R3HDM1: variants seen among roughly 807,000 people sequenced by gnomAD.
R3HDM1 encodes R3H domain containing 1.
In R3HDM1, 46 loss-of-function variants were observed where a neutral mutation model predicts 141.1. The ratio of observed to expected loss-of-function variants is 0.33; its 90% CI spans 0.26 to 0.42. R3HDM1 has a LOEUF of 0.42. Ranked by LOEUF, R3HDM1 falls within the 10% of genes least tolerant of loss-of-function variation. R3HDM1 has a pLI of 1.00. For synonymous variants in R3HDM1, 435 were observed against 472.9 expected, an observed-to-expected ratio of 0.92 and a Z score of 1.04; for missense variants, 1,184 against 1,368.3, an observed-to-expected ratio of 0.87 and a Z score of 2.12.
At chr2:135,622,133 G>A in intron 6 of R3HDM1, 3 of 983,458 alleles carry the variant, frequency 3.1e-6, no homozygotes, top group Non-Finnish European at 3.6e-6. Context: ...TTAAGGCGAA[G>A]ATAGCATGAA....
chr2:135,583,223 A>C (rs972562890), intron 1 of R3HDM1, among the ~76,000 whole-genome samples: 1 of 151,876 alleles, frequency 6.6e-6, no homozygotes, highest in African/African-American at 2.4e-5. Context: ...TAATTTTCCC[A>C]GTTTTTTCCC....
chr2:135,685,315 G>A (rs893771145), intron 21 of R3HDM1, among the ~76,000 whole-genome samples: 12 of 151,726 alleles, frequency 7.9e-5, no homozygotes, highest in African/African-American at 2.9e-4. Context: ...TTTCCTTCTT[G>A]TGCTTATTCA....
rs2061627281 is a variant in R3HDM1 at position 135,622,696 on chromosome 2, A to G, written c.461A>G (p.His154Arg). The change falls in exon 7 of 27, where the codon CAT becomes CGT. Residue 154 changes from histidine to arginine, a missense_variant. Around this residue, in one of 5 missense-constraint regions of R3HDM1, gnomAD observed 192 missense variants for 215.7 expected, o/e 0.89. Coordinates refer to ENST00000683871, the MANE Select transcript of R3HDM1 (RefSeq NM_001378107.1). ...EYTDSTGIDL[H>R]EFLVNTLKNN... is the part of the protein sequence containing the mutation. ...ACTGATTCAACTGGCATAGATCTAC[A>G]TGAATTTTTAGTAAATACATTAAAA... The G allele has an allele frequency of 1.9e-6, 3 of 1,600,266 alleles. No homozygotes were observed. Among genetic ancestry groups the G allele is most frequent in the Admixed American group, 1.7e-5 (1 of 58,896 alleles).
At chr2:135,647,590 C>A (rs1356341184) in intron 16 of R3HDM1, among the ~76,000 whole-genome samples, 2 of 152,170 alleles carry the variant, frequency 1.3e-5, no homozygotes, top group Non-Finnish European at 2.9e-5. Flanking sequence ...AATTTCATAA[C>A]TTATTTTTCT....
chr2:135,691,159 A>T (rs2072311310), intron 21 of R3HDM1, among the ~76,000 whole-genome samples: 1 of 152,224 alleles, frequency 6.6e-6, no homozygotes, highest in African/African-American at 2.4e-5. Flanking sequence ...CAAGTGTTTG[A>T]TGACAAATCA....
chr2:135,564,566 G>A (rs1158919672), intron 1 of R3HDM1, among the ~76,000 whole-genome samples: 4 of 152,040 alleles, frequency 2.6e-5, no homozygotes, highest in African/African-American at 9.7e-5. Context: ...TGATCCACCC[G>A]GCCTCTGCCT....
intron 21 of R3HDM1, among the ~76,000 whole-genome samples, chr2:135,699,406 G>C (rs1175631652): frequency 6.6e-6 from 1 of 152,214 alleles, no homozygotes; most frequent in Non-Finnish European, 1.5e-5. Context: ...ACAAGAGAGA[G>C]AGTTGTAAGG....
At chr2:135,689,608 GAATT>G (rs1033612255) in intron 21 of R3HDM1, among the ~76,000 whole-genome samples, 3 of 152,196 alleles carry the variant, frequency 2.0e-5, no homozygotes, top group Admixed American at 2.0e-4. Flanking sequence ...GGTAGAATTT[GAATT>G]ATTATGTCTA....
In R3HDM1 at chr2:135,724,081, T is replaced by A. The variant is rs1575295221; in HGVS notation, c.3194T>A (p.Leu1065His). Reference protein sequence around the residue: ...DPQSQPRRHPLCCGSGDNTAN... With the variant: ...DPQSQPRRHPHCCGSGDNTAN... ...CAGTCCCAACCACGTCGTCACCCCCTCTGCTGTGGCAGTGGGGACAACACT... is the reference window on the plus strand; with the variant it reads ...CAGTCCCAACCACGTCGTCACCCCCACTGCTGTGGCAGTGGGGACAACACT... Residue 1065 changes from leucine to histidine, a missense_variant, in exon 27 of 27, where the codon CTC (leucine) becomes CAC (histidine). By Grantham distance (99) the Leu-to-His change is moderately conservative (BLOSUM62 -3). Transcript: ENST00000683871. The A allele has an allele frequency of 1.9e-6, 3 of 1,614,076 alleles. No homozygotes were observed. The East Asian group carries it at 6.7e-5, about 36-fold the overall frequency.
intron 1 of R3HDM1, among the ~76,000 whole-genome samples, chr2:135,600,103 A>ATT (rs1047714227): frequency 0.014 from 1,290 of 93,518 alleles, 24 homozygotes; most frequent in African/African-American, 0.027. Context: ...AGTTCGTATG[A>ATT]TTTTTTTTTT....
intron 19 of R3HDM1, chr2:135,669,525 T>G (rs2068010778): frequency 3.0e-6 from 3 of 985,040 alleles, no homozygotes; most frequent in Non-Finnish European, 2.4e-6. Context: ...TAACCAAAAT[T>G]ATCAGAAAAT....
chr2:135,574,453 C>T (rs1367361685), intron 1 of R3HDM1, among the ~76,000 whole-genome samples: 3 of 152,260 alleles, frequency 2.0e-5, no homozygotes, highest in Admixed American at 6.5e-5. Flanking sequence ...ATAAATTGTT[C>T]CAGAGCATTG....
At chr2:135,578,420 ATAG>A (rs1559158808) in intron 1 of R3HDM1, among the ~76,000 whole-genome samples, 3 of 152,342 alleles carry the variant, frequency 2.0e-5, no homozygotes, top group African/African-American at 2.4e-5. Flanking sequence ...TGGGAATAAG[ATAG>A]TAGGGATAGG....
At chr2:135,652,094 T>C in intron 18 of R3HDM1, 62 bp downstream of exon 18, 3 of 1,492,516 alleles carry the variant, frequency 2.0e-6, no homozygotes, top group Non-Finnish European at 2.7e-6. Flanking sequence ...CAGTTTTAAC[T>C]TCAAAGAACT....
intron 1 of R3HDM1, among the ~76,000 whole-genome samples, chr2:135,564,206 G>A (rs1382758677): frequency 6.6e-6 from 1 of 152,162 alleles, no homozygotes; most frequent in African/African-American, 2.4e-5. Context: ...TACCTAGACA[G>A]TAAGTTATAT....
At chr2:135,651,363 C>T (rs2065127360) in intron 17 of R3HDM1, 1 of 983,780 alleles carries the variant, frequency 1.0e-6, no homozygotes, top group South Asian at 4.7e-5. Flanking sequence ...TCTTTGAAGT[C>T]CTTTCAGAAA....
At chr2:135,552,253 T>A (rs1573702326) in intron 1 of R3HDM1, among the ~76,000 whole-genome samples, 1 of 151,970 alleles carries the variant, frequency 6.6e-6, no homozygotes, top group Non-Finnish European at 1.5e-5. Flanking sequence ...TGGAGTGCAA[T>A]GGCATGATCT....
intron 1 of R3HDM1, among the ~76,000 whole-genome samples, chr2:135,568,351 GT>G (rs1172521223): frequency 6.6e-6 from 1 of 151,324 alleles, no homozygotes; most frequent in African/African-American, 2.4e-5. Context: ...CCTGGCCACA[GT>G]TTTTTTGTTT....
intron 17 of R3HDM1, 26 bp downstream of exon 17, chr2:135,650,029 C>A: frequency 8.3e-7 from 1 of 1,207,250 alleles, no homozygotes; most frequent in Non-Finnish European, 1.1e-6. Context: ...TCACCTCCTG[C>A]GTTGTTTCTG....
Sources: gnomAD v4.1 joint callset for allele counts (sites outside exome capture counted in the v4.1 genomes callset) on GRCh38, gnomAD v4.1.1 for gene constraint, gnomAD v4.1.1 regional missense constraint, MANE v1.5 for transcripts, NCBI Gene and HGNC (gene_info 2026-07-23, HGNC 2026-07-21) for gene names.